The following PLCL1 variants were observed in gnomAD, a reference collection of about 807,000 sequenced individuals.
The protein encoded by PLCL1 is inactive phospholipase C-like protein 1.
PLCL1 carries 41 observed loss-of-function variants against 84.4 expected under a neutral mutation model. The observed-to-expected ratio is 0.49, with a 90% CI of 0.38 to 0.63. The LOEUF (loss-of-function observed/expected upper bound fraction) is 0.63, where lower values mean the gene tolerates loss of function less well. PLCL1 is among the 30% of genes least tolerant of loss of function. PLCL1 has a pLI of 0.00. For synonymous variants in PLCL1, 490 were observed against 488.3 expected, an observed-to-expected ratio of 1.00 and a Z score of -0.05; for missense variants, 1,206 against 1,367.8, an observed-to-expected ratio of 0.88 and a Z score of 1.87.
At chr2:197,977,249 T>C (rs1305670409) in intron 1 of PLCL1, among the ~76,000 whole-genome samples, 1 of 152,184 alleles carries the variant, frequency 6.6e-6, no homozygotes, top group East Asian at 1.9e-4. Context: ...AATAACATCA[T>C]CAAAGACCTT....
intron 1 of PLCL1, among the ~76,000 whole-genome samples, chr2:197,938,571 G>A (rs1689092920): frequency 6.6e-6 from 1 of 152,106 alleles, no homozygotes; most frequent in Admixed American, 6.5e-5. Flanking sequence ...TCAAAACACG[G>A]TTTTTATCTT....
chr2:198,121,439 T>C (rs1693864352), intron 5 of PLCL1, among the ~76,000 whole-genome samples: 1 of 152,046 alleles, frequency 6.6e-6, no homozygotes, highest in Non-Finnish European at 1.5e-5. Flanking sequence ...AGTAGTTTCA[T>C]AGTTTGAGGG....
At chr2:197,859,972 C>T (rs1687398559) in intron 1 of PLCL1, among the ~76,000 whole-genome samples, 1 of 152,030 alleles carries the variant, frequency 6.6e-6, no homozygotes, top group Non-Finnish European at 1.5e-5. Context: ...TTTTGTTACC[C>T]AGGTGTTCAG....
At chr2:197,820,068 T>C (rs1193841557) in intron 1 of PLCL1, among the ~76,000 whole-genome samples, 1 of 152,142 alleles carries the variant, frequency 6.6e-6, no homozygotes, top group Non-Finnish European at 1.5e-5. Flanking sequence ...TTAAGGTAGT[T>C]AAACCCTGGA....
intron 1 of PLCL1, among the ~76,000 whole-genome samples, chr2:197,853,852 G>C (rs1014100116): frequency 1.3e-5 from 2 of 152,084 alleles, no homozygotes; most frequent in African/African-American, 4.8e-5. Flanking sequence ...TCCATCTCCT[G>C]TTTGTAGACT....
At chr2:198,092,887 C>G (rs1693082332) in intron 3 of PLCL1, among the ~76,000 whole-genome samples, 1 of 152,156 alleles carries the variant, frequency 6.6e-6, no homozygotes, top group African/African-American at 2.4e-5. Context: ...TGGCACATAG[C>G]ACGTTATCAG....
At chr2:197,999,170 A>G (rs543765515) in intron 1 of PLCL1, among the ~76,000 whole-genome samples, 4 of 152,208 alleles carry the variant, frequency 2.6e-5, no homozygotes, top group Admixed American at 2.6e-4. Context: ...AGGGTCCCTA[A>G]AGGTCAGCTT....
At chr2:198,137,887 C>T (rs1013617965) in intron 5 of PLCL1, among the ~76,000 whole-genome samples, 3 of 152,098 alleles carry the variant, frequency 2.0e-5, no homozygotes, top group Non-Finnish European at 4.4e-5. Context: ...TTTTGTAACC[C>T]CCAGAGTCCA....
At chr2:198,118,736 C>A (rs539675884) in intron 5 of PLCL1, among the ~76,000 whole-genome samples, 1 of 151,952 alleles carries the variant, frequency 6.6e-6, no homozygotes, top group Non-Finnish European at 1.5e-5. Flanking sequence ...ACTGCACAAC[C>A]GTAGGGGGTG....
chr2:198,127,012 G>GTGTGTGT (rs144423192), intron 5 of PLCL1, among the ~76,000 whole-genome samples: 8 of 92,784 alleles, frequency 8.6e-5, no homozygotes, highest in African/African-American at 3.2e-4. Flanking sequence ...GTGTGTGTGT[G>GTGTGTGT]GGGGGTGGTG....
chr2:198,112,885 A>G (rs1469879352), intron 5 of PLCL1, among the ~76,000 whole-genome samples: 2 of 151,850 alleles, frequency 1.3e-5, no homozygotes, highest in South Asian at 2.1e-4. Context: ...GCTGCTTTAC[A>G]ATGGATATCA....
At chr2:197,856,537 AT>A (rs1687333158) in intron 1 of PLCL1, among the ~76,000 whole-genome samples, 1 of 152,216 alleles carries the variant, frequency 6.6e-6, no homozygotes, top group African/African-American at 2.4e-5. Flanking sequence ...AACATTTTAA[AT>A]TTATTGTATG....
At chr2:197,827,127 T>A (rs1690946350) in intron 1 of PLCL1, among the ~76,000 whole-genome samples, 4 of 152,318 alleles carry the variant, frequency 2.6e-5, no homozygotes, top group Middle Eastern at 6.8e-3. Context: ...CCTGATTAAT[T>A]CTCCAGAGTA....
chr2:197,988,583 A>G (rs1267607405), intron 1 of PLCL1, among the ~76,000 whole-genome samples: 1 of 152,192 alleles, frequency 6.6e-6, no homozygotes, highest in African/African-American at 2.4e-5. Context: ...GTAGTATTCC[A>G]TGGTGTATAT....
At chr2:197,919,543 T>C (rs1688666224) in intron 1 of PLCL1, among the ~76,000 whole-genome samples, 1 of 152,248 alleles carries the variant, frequency 6.6e-6, no homozygotes, top group Admixed American at 6.5e-5. Context: ...TAGTTGTCAT[T>C]AGTTCTGCTC....
chr2:197,833,238 G>T (rs1691109229), intron 1 of PLCL1, among the ~76,000 whole-genome samples: 2 of 152,320 alleles, frequency 1.3e-5, no homozygotes, highest in African/African-American at 4.8e-5. Flanking sequence ...TACTGAATGG[G>T]TAAAAGCTGT....
At chr2:198,104,045 C>T in intron 5 of PLCL1, 109 bp downstream of exon 5, 1 of 523,250 alleles carries the variant, frequency 1.9e-6, no homozygotes, top group East Asian at 3.4e-5. Flanking sequence ...ATTTTTAAAC[C>T]TTCACTTTAG....
At chr2:197,950,189 G>C (rs2105781634) in intron 1 of PLCL1, among the ~76,000 whole-genome samples, 1 of 152,282 alleles carries the variant, frequency 6.6e-6, no homozygotes, top group South Asian at 2.1e-4. Flanking sequence ...TTAAACCCGT[G>C]CTTCTGACTC....
intron 1 of PLCL1, among the ~76,000 whole-genome samples, chr2:197,913,396 A>G (rs1430744023): frequency 6.6e-6 from 1 of 152,244 alleles, no homozygotes; most frequent in Non-Finnish European, 1.5e-5. Flanking sequence ...AAGTAAAATA[A>G]TAGCAGCAGC....
Sources: gnomAD v4.1 joint callset for allele counts (sites outside exome capture counted in the v4.1 genomes callset) on GRCh38, gnomAD v4.1.1 for gene constraint, MANE v1.5 for transcripts, NCBI Gene and HGNC (gene_info 2026-07-23, HGNC 2026-07-21) for gene names.